CNTNAP2: variants seen among roughly 807,000 people sequenced by gnomAD.
The protein encoded by CNTNAP2 is contactin-associated protein-like 2.
A neutral mutation model predicts 155.2 loss-of-function variants in CNTNAP2; 98 were observed. The ratio of observed to expected loss-of-function variants is 0.63; its 90% CI spans 0.54 to 0.75. CNTNAP2 has a LOEUF of 0.75. CNTNAP2 is among the 30% of genes least tolerant of loss of function. CNTNAP2 has a pLI of 0.00. For missense variants in CNTNAP2, 1,727 were observed against 1,688.1 expected (o/e 1.02, Z -0.40); for synonymous variants, 651 against 631.2 (o/e 1.03, Z -0.47).
intron 8 of CNTNAP2, among the ~76,000 whole-genome samples, chr7:147,235,246 A>C (rs1803772837): frequency 6.6e-6 from 1 of 152,006 alleles, no homozygotes; most frequent in African/African-American, 2.4e-5. Flanking sequence ...CTGGGTCTCC[A>C]GCTTTCCAGC....
intron 11 of CNTNAP2, among the ~76,000 whole-genome samples, chr7:147,505,726 A>T (rs1411541170): frequency 1.3e-5 from 2 of 152,222 alleles, no homozygotes; most frequent in Non-Finnish European, 2.9e-5. Context: ...TCCCAACAGG[A>T]TGAAGTATTT....
Position 147,284,780 on chromosome 7 carries a change from A to C in CNTNAP2, c.1349-15361A>C, listed in dbSNP as rs193192936. 5.8e-3 allele frequency among the ~76,000 whole-genome samples: 889 copies of C among 152,034 alleles called. 6 individuals carry two copies. Among genetic ancestry groups the C allele is most frequent in the Admixed American group, 9.8e-3 (150 of 15,238 alleles). ...CCAAAAGGGCAGTTGACACTCAAAA[A>C]AGATTATTGTTGAATTGAAGATTTC... is the stretch of plus-strand genomic sequence containing the variant. On this transcript the variant is annotated intron_variant, in intron 8 of 23. Coordinates refer to ENST00000361727, the MANE Select transcript of CNTNAP2 (RefSeq NM_014141.6).
At chr7:146,173,893 C>A (rs1798430504) in intron 1 of CNTNAP2, among the ~76,000 whole-genome samples, 1 of 152,088 alleles carries the variant, frequency 6.6e-6, no homozygotes, top group African/African-American at 2.4e-5. Flanking sequence ...CTCTGAATGA[C>A]TAAATATCTC....
chr7:148,265,304 C>T (rs111331187), intron 20 of CNTNAP2, among the ~76,000 whole-genome samples: 13,060 of 152,204 alleles, frequency 0.086, 813 homozygotes, highest in South Asian at 0.22. Flanking sequence ...GACAGGGTCT[C>T]ACTCTGTCAC....
At chr7:148,372,532 A>C (rs1350463798) in intron 21 of CNTNAP2, among the ~76,000 whole-genome samples, 1 of 152,118 alleles carries the variant, frequency 6.6e-6, no homozygotes, top group South Asian at 2.1e-4. Flanking sequence ...ACATGGTGAA[A>C]CCCCGTCTCT....
At chr7:146,213,985 C>T (rs2116886936) in intron 1 of CNTNAP2, among the ~76,000 whole-genome samples, 1 of 152,256 alleles carries the variant, frequency 6.6e-6, no homozygotes, top group East Asian at 1.9e-4. Flanking sequence ...TCGGTTTCCT[C>T]ATCTGAAAAG....
intron 9 of CNTNAP2, among the ~76,000 whole-genome samples, chr7:147,382,967 A>G (rs572389227): frequency 7.2e-5 from 11 of 152,204 alleles, no homozygotes; most frequent in Non-Finnish European, 1.6e-4. Context: ...ATCCTATTAT[A>G]TTACTCTTTC....
At position 146,678,109 on chromosome 7, in the gene CNTNAP2, T is replaced by C. The variant is rs184205508; in HGVS notation, c.98-96162T>C. On this transcript the variant is annotated intron_variant, in intron 1 of 23. Coordinates refer to ENST00000361727, the MANE Select transcript of CNTNAP2 (RefSeq NM_014141.6). ...TGGAGACTTGCTCTGTCACCCAGGCTGGAGTAGGAGTACAGTGGCACAAAT... is the reference window on the plus strand; with the variant it reads ...TGGAGACTTGCTCTGTCACCCAGGCCGGAGTAGGAGTACAGTGGCACAAAT... Among the ~76,000 whole-genome samples the C allele has an allele frequency of 4.5e-3, 680 of 152,270 alleles. 2 individuals carry two copies. Among genetic ancestry groups the C allele is most frequent in the Non-Finnish European group, 6.3e-3 (427 of 68,026 alleles).
chr7:146,801,294 C>A (rs1267421659), intron 2 of CNTNAP2, among the ~76,000 whole-genome samples: 1 of 152,166 alleles, frequency 6.6e-6, no homozygotes, highest in Non-Finnish European at 1.5e-5. Flanking sequence ...GAGGGATCCA[C>A]CCCCATGATC....
intron 21 of CNTNAP2, among the ~76,000 whole-genome samples, chr7:148,326,847 A>G (rs1295756163): frequency 3.4e-5 from 5 of 146,714 alleles, no homozygotes; most frequent in Non-Finnish European, 7.5e-5. Context: ...CCTGAGCGAC[A>G]GAGCGAGACC....
chr7:146,321,207 TAAAAC>T (rs1800995493), intron 1 of CNTNAP2, among the ~76,000 whole-genome samples: 2 of 152,098 alleles, frequency 1.3e-5, no homozygotes, highest in African/African-American at 4.8e-5. Flanking sequence ...AAAAACAAAA[TAAAAC>T]AAACCCCAAG....
At chr7:147,886,103 C>G (rs965705198) in intron 13 of CNTNAP2, among the ~76,000 whole-genome samples, 17 of 152,172 alleles carry the variant, frequency 1.1e-4, no homozygotes, top group Non-Finnish European at 2.1e-4. Context: ...GGGGCCTTAG[C>G]TAGCCATGTG....
At chr7:147,051,584 A>C (rs902488083) in intron 4 of CNTNAP2, among the ~76,000 whole-genome samples, 16 of 152,170 alleles carry the variant, frequency 1.1e-4, no homozygotes, top group Non-Finnish European at 2.9e-5. Context: ...GGAGCATTCA[A>C]GACAAGAACT....
chr7:148,142,093 CTGTGTGTG>C (rs71527881), intron 16 of CNTNAP2, among the ~76,000 whole-genome samples: 54 of 136,414 alleles, frequency 4.0e-4, no homozygotes, highest in Admixed American at 8.7e-4. Flanking sequence ...AGATATGTCT[CTGTGTGTG>C]TGTGTGTGTG....
chr7:147,935,300 C>G (rs771122470), intron 14 of CNTNAP2, among the ~76,000 whole-genome samples: 1 of 151,886 alleles, frequency 6.6e-6, no homozygotes, highest in Non-Finnish European at 1.5e-5. Context: ...CTAATTTTTG[C>G]ATTTTTAGTA....
chr7:147,116,863 T>C (rs926976994), intron 5 of CNTNAP2, among the ~76,000 whole-genome samples: 1 of 151,770 alleles, frequency 6.6e-6, no homozygotes, highest in Non-Finnish European at 1.5e-5. Flanking sequence ...AAAGCCACTG[T>C]GTTACGCTGC....
At chr7:148,362,693 A>G (rs186168866) in intron 21 of CNTNAP2, among the ~76,000 whole-genome samples, 4 of 152,328 alleles carry the variant, frequency 2.6e-5, no homozygotes. Flanking sequence ...AGGGGGACTT[A>G]CTACTCGTGT....
intron 1 of CNTNAP2, among the ~76,000 whole-genome samples, chr7:146,320,486 T>G (rs1447009593): frequency 6.6e-6 from 1 of 152,180 alleles, no homozygotes; most frequent in Non-Finnish European, 1.5e-5. Context: ...AAATAGTACC[T>G]CTTGAAATGT....
rs1231712699 is a variant in CNTNAP2 at position 147,639,235 on chromosome 7, C to G, written c.2027C>G (p.Thr676Ser). Residue 676 changes from threonine to serine, a missense_variant, in exon 13 of 24, where the codon ACT becomes AGT. By Grantham distance (58) the Thr-to-Ser change is moderately conservative (BLOSUM62 1). Transcript: ENST00000361727. ...SASMDQISAI[T>S]DSAEYCEQYV... ...TCCATGGACCAGATAAGTGCCATCA[C>G]TGACAGTGCCGAGTACTGCGAGCAG... 2 of 1,614,136 alleles carry G rather than the reference C, an allele frequency of 1.2e-6. No homozygotes were observed. Among genetic ancestry groups the G allele is most frequent in the Middle Eastern group, 1.6e-4 (1 of 6,062 alleles).
Sources: allele counts gnomAD v4.1 joint callset (sites outside exome capture counted in the v4.1 genomes callset), GRCh38; gene constraint gnomAD v4.1.1; transcripts MANE v1.5; gene names NCBI Gene and HGNC (gene_info 2026-07-23, HGNC 2026-07-21).